The following PTK2 variants were observed in gnomAD, a reference collection of about 807,000 sequenced individuals.
PTK2 encodes focal adhesion kinase 1.
A neutral mutation model predicts 150.1 loss-of-function variants in PTK2; 45 were observed. That is an observed-to-expected ratio of 0.30 (90% CI 0.24 to 0.38). The LOEUF (loss-of-function observed/expected upper bound fraction) is 0.38, where lower values mean the gene tolerates loss of function less well. Ranked by LOEUF, PTK2 falls within the 10% of genes least tolerant of loss-of-function variation. The pLI is 1.00. For synonymous variants in PTK2, 432 were observed against 449.2 expected (o/e 0.96, Z 0.48); for missense variants, 919 against 1,307.3 (o/e 0.70, Z 4.58).
intron 1 of PTK2, among the ~76,000 whole-genome samples, chr8:140,927,975 A>AAAAAAAATATATAT: frequency 2.1e-5 from 1 of 48,194 alleles, no homozygotes; most frequent in Non-Finnish European, 3.4e-5. Flanking sequence ...AAAAAAAAAA[A>AAAAAAAATATATAT]ATATATATAT....
intron 28 of PTK2, 126 bp from the exon 32 acceptor site, chr8:140,674,530 A>T: frequency 2.6e-6 from 2 of 762,936 alleles, no homozygotes; most frequent in Non-Finnish European, 4.3e-6. Context: ...ACCTGAGGTC[A>T]GGAATTCGAG....
chr8:140,763,113 T>C (rs1336370790), intron 15 of PTK2, among the ~76,000 whole-genome samples: 1 of 152,206 alleles, frequency 6.6e-6, no homozygotes, highest in Admixed American at 6.5e-5. Flanking sequence ...TTTTCCAAAC[T>C]GATACTGGCA....
chr8:140,765,767 A>G (rs2100071938), intron 14 of PTK2, among the ~76,000 whole-genome samples: 1 of 152,158 alleles, frequency 6.6e-6, no homozygotes, highest in South Asian at 2.1e-4. Context: ...TGGCTTATCA[A>G]AACACCCTGT....
At chr8:140,775,629 C>T (rs1231396106) in intron 14 of PTK2, among the ~76,000 whole-genome samples, 1 of 152,134 alleles carries the variant, frequency 6.6e-6, no homozygotes, top group Non-Finnish European at 1.5e-5. Flanking sequence ...TAGGTGTGAG[C>T]CACCATACCA....
intron 1 of PTK2, among the ~76,000 whole-genome samples, chr8:140,978,517 T>C (rs1361585326): frequency 3.9e-5 from 6 of 152,088 alleles, no homozygotes; most frequent in African/African-American, 1.4e-4. Context: ...AAAATGCTCA[T>C]CATCACTGGC....
chr8:140,830,644 G>A, intron 7 of PTK2, 118 bp from the exon 8 acceptor site: 1 of 598,462 alleles, frequency 1.7e-6, no homozygotes, highest in Non-Finnish European at 2.8e-6. Context: ...TATTTAGGAA[G>A]GAAACAAGTA....
At chr8:140,869,818 TA>T (rs1297796629) in intron 4 of PTK2, among the ~76,000 whole-genome samples, 10 of 152,002 alleles carry the variant, frequency 6.6e-5, no homozygotes, top group Non-Finnish European at 1.5e-4. Context: ...ATCATGAACT[TA>T]TATGTACTTA....
At chr8:140,999,882 T>G (rs1489500982) in intron 1 of PTK2, among the ~76,000 whole-genome samples, 1 of 152,144 alleles carries the variant, frequency 6.6e-6, no homozygotes. Context: ...ACTCTTGCAC[T>G]GCCTTCAGCT....
rs1488883777 is a variant in PTK2 at position 140,990,400 on chromosome 8, A to T, written c.-122+10725T>A. ...TAGGCATGTACCACCACACCTGGCT[A>T]ATTATTATTATTATATTCTTTGGGA... On this transcript the variant is annotated intron_variant, in intron 1 of 31. Transcript: ENST00000522684. Among the ~76,000 whole-genome samples, 3 of 151,910 alleles carry T rather than the reference A, an allele frequency of 2.0e-5. No individual in the cohort carries two copies. In the East Asian group the frequency reaches 5.8e-4, roughly 29 times the overall value.
rs2100142010 is a variant in PTK2 at position 140,870,710 on chromosome 8, C to T, written c.363-6311G>A. 2.6e-5 allele frequency among the ~76,000 whole-genome samples: 4 copies of T among 152,104 alleles called. No individual in the cohort carries two copies. In the South Asian group the frequency reaches 8.3e-4, roughly 32 times the overall value. On this transcript the variant is annotated intron_variant, in intron 4 of 31. Transcript: ENST00000522684. The stretch of plus-strand genomic sequence containing the variant: ...TTATAGATTACAAAGACTTAAAAGA[C>T]AAAGGGCACACCTAATTTGGATCCT...
chr8:140,993,162 T>C (rs1036401708), intron 1 of PTK2, among the ~76,000 whole-genome samples: 2 of 152,292 alleles, frequency 1.3e-5, no homozygotes, highest in African/African-American at 2.4e-5. Flanking sequence ...AGTCTGATAG[T>C]AGTAATTTTA....
chr8:140,707,958 G>A (rs904301331), intron 23 of PTK2, among the ~76,000 whole-genome samples: 2 of 152,122 alleles, frequency 1.3e-5, no homozygotes, highest in African/African-American at 4.8e-5. Context: ...AGATGGGGGT[G>A]AGCTACAGGA....
chr8:140,724,184 G>C (rs1316441754), intron 22 of PTK2, among the ~76,000 whole-genome samples: 1 of 152,202 alleles, frequency 6.6e-6, no homozygotes, highest in Admixed American at 6.5e-5. Flanking sequence ...AGGAGATCCT[G>C]CCTACTTGAA....
intron 22 of PTK2, among the ~76,000 whole-genome samples, chr8:140,728,348 A>C (rs1316226070): frequency 1.3e-5 from 2 of 152,190 alleles, no homozygotes; most frequent in Non-Finnish European, 2.9e-5. Flanking sequence ...ATTAAATACA[A>C]ATAACTATAT....
intron 1 of PTK2, among the ~76,000 whole-genome samples, chr8:140,979,079 G>A (rs1166086977): frequency 2.3e-5 from 3 of 133,300 alleles, no homozygotes; most frequent in Non-Finnish European, 4.7e-5. Flanking sequence ...ATGGACACAG[G>A]AAGGGGAACA....
intron 1 of PTK2, among the ~76,000 whole-genome samples, chr8:140,957,787 T>C (rs1430014824): frequency 1.3e-5 from 2 of 152,240 alleles, no homozygotes; most frequent in Non-Finnish European, 2.9e-5. Context: ...TGTACAATTT[T>C]GCAGTCTAGG....
At position 140,882,286 on chromosome 8, in the gene PTK2, G is replaced by C. The variant is rs142207880; in HGVS notation, c.196-2649C>G. Among the ~76,000 whole-genome samples, 305 of 152,314 alleles carry C rather than the reference G, an allele frequency of 2.0e-3. 1 individual carries two copies. Among genetic ancestry groups the C allele is most frequent in the African/African-American group, 6.9e-3 (286 of 41,580 alleles). On this transcript the variant is annotated intron_variant, in intron 3 of 31. Coordinates refer to ENST00000522684, the Ensembl canonical transcript of PTK2. ...AATAATTCTGAGAACTACGTATTTA[G>C]TGAGGAATGTAAACTCAACCAACCC...
intron 20 of PTK2, among the ~76,000 whole-genome samples, chr8:140,740,006 T>C (rs2100054795): frequency 6.6e-6 from 1 of 152,128 alleles, no homozygotes; most frequent in African/African-American, 2.4e-5. Flanking sequence ...ACTACACAAA[T>C]AATCAGGCAT....
chr8:140,660,382 T>C (rs2077737374), intron 31 of PTK2, among the ~76,000 whole-genome samples: 2 of 152,220 alleles, frequency 1.3e-5, no homozygotes, highest in African/African-American at 4.8e-5. Flanking sequence ...TGCTTTCTAC[T>C]ATGCCAACTC....
Sources: gnomAD v4.1 joint callset for allele counts (sites outside exome capture counted in the v4.1 genomes callset) on GRCh38, gnomAD v4.1.1 for gene constraint, MANE v1.5 for transcripts, NCBI Gene and HGNC (gene_info 2026-07-23, HGNC 2026-07-21) for gene names.